NFKBIL1: variants seen among roughly 807,000 people sequenced by gnomAD.
NFKBIL1 encodes the protein NFKB inhibitor like 1, also known as NF-kappa-B inhibitor-like protein 1.
Under a neutral mutation model 45.4 loss-of-function variants are expected in NFKBIL1, and 30 were observed. That is an observed-to-expected ratio of 0.66 (90% CI 0.49 to 0.90). The LOEUF is 0.90. Ranked by LOEUF, NFKBIL1 falls within the 40% of genes least tolerant of loss-of-function variation. The pLI is 0.00. For missense variants in NFKBIL1, 434 were observed against 513.4 expected (o/e 0.85, Z 1.49); for synonymous variants, 179 against 197.3 (o/e 0.91, Z 0.78).
At position 31,558,547 on chromosome 6, in the gene NFKBIL1, G is replaced by C. The variant is rs774418376; in HGVS notation, c.1082G>C (p.Arg361Pro). Residue 361 changes from arginine (R) to proline (P), a missense_variant, in exon 4 of 4, where the codon CGT becomes CCT. Physicochemically the swap from Arg to Pro is moderately radical, Grantham distance 103. Around this residue, in one of 4 missense-constraint regions of NFKBIL1, gnomAD observed 52 missense variants for 95.9 expected, o/e 0.54. Transcript: ENST00000376148. This position sits in a 1 kb window ranked among gnomAD's most constrained non-coding sequence, Gnocchi z 7.2. ...CAGATTGAGACCTGGGAGCTGGGCC[G>C]TGTGATGGGAGCAGTGACAGCCCTT... ...RSQIETWELG[R>P]VMGAVTALSQ... 5 of 1,565,074 alleles carry C rather than the reference G, an allele frequency of 3.2e-6. No homozygotes were observed. Among genetic ancestry groups the C allele is most frequent in the Non-Finnish European group, 4.3e-6 (5 of 1,154,604 alleles).
chr6:31,552,336 A>G (rs1769474014), intron 2 of NFKBIL1, among the ~76,000 whole-genome samples: 1 of 150,538 alleles, frequency 6.6e-6, no homozygotes, highest in East Asian at 2.0e-4. Context: ...GCAGTGGCAC[A>G]ATCTCGGCTC....
intron 2 of NFKBIL1, chr6:31,556,732 C>T (rs1319520337): frequency 4.4e-6 from 2 of 457,138 alleles, no homozygotes; most frequent in Non-Finnish European, 8.8e-6. Context: ...GCTCTGCCGC[C>T]GGCCATAGTT....
At chr6:31,549,247 TTTTTTG>T (rs1209645396) in intron 2 of NFKBIL1, among the ~76,000 whole-genome samples, 2 of 151,916 alleles carry the variant, frequency 1.3e-5, no homozygotes, top group Non-Finnish European at 2.9e-5. Context: ...TGTTTCTCTG[TTTTTTG>T]TTTTTGTTTT....
chr6:31,547,781 T>A (rs1215422187), intron 1 of NFKBIL1, 30 bp downstream of exon 1: 1 of 1,557,902 alleles, frequency 6.4e-7, no homozygotes, highest in Non-Finnish European at 8.8e-7. Context: ...TAGATCATTA[T>A]TGGAGATTAT....
Position 31,558,438 on chromosome 6 carries a change from G to A in NFKBIL1, c.973G>A (p.Glu325Lys). 1.3e-6 allele frequency: 2 copies of A among 1,551,098 alleles called. No individual in the cohort carries two copies. The highest frequency in any genetic ancestry group is 1.7e-6 in the Non-Finnish European group (2 of 1,147,190). The part of the protein sequence containing the change: ...AALVARGPPL[E>K]EQGALRRYLR... ...CCTGGTGGCCAGGGGCCCCCCTTTG[G>A]AGGAACAGGGGGCTCTGAGGAGGTA... is the stretch of plus-strand genomic sequence containing the variant. Residue 325 changes from glutamate (E) to lysine (K), a missense_variant, in exon 4 of 4, where the codon GAG (glutamate) becomes AAG (lysine). Around this residue, in one of 4 missense-constraint regions of NFKBIL1, gnomAD observed 52 missense variants for 95.9 expected, o/e 0.54. Transcript: ENST00000376148. The surrounding 1 kb of genome is among the most constrained non-coding windows in gnomAD (Gnocchi z 7.2).
chr6:31,547,481 T>C (rs2150358025), upstream of NFKBIL1: 1 of 414,872 alleles, frequency 2.4e-6, no homozygotes, highest in Non-Finnish European at 4.3e-6. Flanking sequence ...TAGTTTCCCC[T>C]GGGAGATCTG....
chr6:31,547,749 C>T lies in NFKBIL1; in HGVS notation c.55C>T (p.Arg19Trp), dbSNP rs928354850. Residue 19 changes from arginine (R) to tryptophan (W), a missense_variant and splice_region_variant, in exon 1 of 4, where the codon CGG becomes TGG. Around this residue, in one of 4 missense-constraint regions of NFKBIL1, gnomAD observed 231 missense variants for 264.1 expected, o/e 0.87. Transcript: ENST00000376148. ...GGAAGAAGCCTCCACATCTGTCTGC[C>T]GGGTACATGATATTCAATTTCTAGA... ...PEEEASTSVC[R>W]PKSSMASTSR... 5.6e-6 allele frequency: 9 copies of T among 1,609,488 alleles called. No individual in the cohort carries two copies. Among genetic ancestry groups the T allele is most frequent in the African/African-American group, 1.3e-5 (1 of 74,770 alleles).
In NFKBIL1 at chr6:31,548,326, C is replaced by T; in HGVS notation, c.221C>T (p.Ala74Val). The T allele has an allele frequency of 6.2e-7, 1 of 1,604,338 alleles. No individual in the cohort carries two copies. Among genetic ancestry groups the T allele is most frequent in the Non-Finnish European group, 8.5e-7 (1 of 1,176,132 alleles). ...CCCCCACCACTGCACCGGGCCTGTG[C>T]CCGCCACGATGCCCCTGCCCTGTGC... is the stretch of plus-strand genomic sequence containing the variant. The part of the protein sequence containing the change: ...GQPPPLHRAC[A>V]RHDAPALCLL... The change falls in exon 2 of 4, where the codon GCC (alanine) becomes GTC (valine). Residue 74 changes from alanine to valine, a missense_variant. Physicochemically the swap from Ala to Val is moderately conservative, Grantham distance 64 (BLOSUM62 0). Around this residue, in one of 4 missense-constraint regions of NFKBIL1, gnomAD observed 231 missense variants for 264.1 expected, o/e 0.87. Transcript: ENST00000376148.
chr6:31,555,923 T>C (rs1266003765), intron 2 of NFKBIL1, among the ~76,000 whole-genome samples: 1 of 149,986 alleles, frequency 6.7e-6, no homozygotes, highest in Non-Finnish European at 1.5e-5. Context: ...CCTCCCAAAG[T>C]GCTGGGATTA....
Position 31,558,791 on chromosome 6 carries a change from A to C in NFKBIL1, c.*180A>C. ...TGCGGGCCGCCACCACTGCTCCTTG[A>C]CTCTGCCGTTTCCTAATAAGACCTG... On this transcript the variant is annotated 3_prime_UTR_variant, in exon 4 of 4. Transcript: ENST00000376148. This position sits in a 1 kb window ranked among gnomAD's most constrained non-coding sequence, Gnocchi z 7.2. 1 of 559,112 alleles carries C rather than the reference A, an allele frequency of 1.8e-6. No individual in the cohort carries two copies. The allele number at this position is 559,112 out of a possible 1,614,324, so 34.6% of individuals were successfully genotyped here. A position where few individuals can be genotyped will look rare whatever the true frequency, so the allele number is the denominator to read the frequency against.
chr6:31,558,737 C>A lies in NFKBIL1; in HGVS notation c.*126C>A. On this transcript the variant is annotated 3_prime_UTR_variant, in exon 4 of 4. Transcript: ENST00000376148. This position sits in a 1 kb window ranked among gnomAD's most constrained non-coding sequence, Gnocchi z 7.2. ...GCTCAGCAGAGGATATGGGTGGGAG[C>A]GAAAGTTGTAACAAGTGGGGGTGGG... is the stretch of plus-strand genomic sequence containing the variant. 1.2e-6 allele frequency: 1 copy of A among 805,660 alleles called. No homozygotes were observed. The highest frequency in any genetic ancestry group is 1.9e-6 in the Non-Finnish European group (1 of 532,472). The allele number at this position is 805,660 out of a possible 1,614,324, so 49.9% of individuals were successfully genotyped here.
chr6:31,558,601 C>T lies in NFKBIL1; in HGVS notation c.1136C>T (p.Ala379Val), dbSNP rs1234409324. ...CAGGCCCTGAATCGCCATGCAGAGG[C>T]CCTCAAGTGACCCTAGGGAAGAAGC... Reference protein sequence around the residue: ...LSQALNRHAEALK With the variant: ...LSQALNRHAEVLK The change falls in exon 4 of 4, where the codon GCC becomes GTC. Residue 379 changes from alanine (A) to valine (V), a missense_variant. Transcript: ENST00000376148. The surrounding 1 kb of genome is among the most constrained non-coding windows in gnomAD (Gnocchi z 7.2). 7.7e-6 allele frequency: 12 copies of T among 1,550,846 alleles called. No homozygotes were observed. Among genetic ancestry groups the T allele is most frequent in the Non-Finnish European group, 1.0e-5 (12 of 1,145,982 alleles).
At chr6:31,554,995 A>G (rs941724271) in intron 2 of NFKBIL1, among the ~76,000 whole-genome samples, 1 of 152,236 alleles carries the variant, frequency 6.6e-6, no homozygotes, top group African/African-American at 2.4e-5. Flanking sequence ...GTATGGTTAC[A>G]TATCTCCAAA....
Position 31,548,202 on chromosome 6 carries a change from C to T in NFKBIL1, c.97C>T (p.Arg33Ter), listed in dbSNP as rs976504875. The T allele has an allele frequency of 6.2e-6, 10 of 1,613,152 alleles. No individual in the cohort carries two copies. Among genetic ancestry groups the T allele is most frequent in the South Asian group, 1.1e-5 (1 of 91,088 alleles). ...GGCCTCCACTTCCCGCCGCCAACGC[C>T]GAGAACGTCGCTTTCGTCGTTACTT... Reference protein sequence around the residue: ...SMASTSRRQRRERRFRRYLSA... With the variant: ...SMASTSRRQR The change falls in exon 2 of 4, where the codon CGA becomes TGA. Residue 33 changes from arginine (R) to a stop codon, truncating the protein, a stop_gained. Transcript: ENST00000376148. LOFTEE classifies it high-confidence loss of function.
At chr6:31,550,379 A>G (rs1769361882) in intron 2 of NFKBIL1, among the ~76,000 whole-genome samples, 1 of 143,180 alleles carries the variant, frequency 7.0e-6, no homozygotes, top group African/African-American at 2.6e-5. Context: ...TATAGACAGA[A>G]GGCCCCTCCC....
intron 2 of NFKBIL1, among the ~76,000 whole-genome samples, chr6:31,555,518 C>G (rs1000828182): frequency 4.0e-5 from 6 of 150,884 alleles, no homozygotes; most frequent in African/African-American, 1.5e-4. Context: ...GATTACAGGC[C>G]ATGAGCCACC....
chr6:31,549,930 G>T (rs1039367693), intron 2 of NFKBIL1, among the ~76,000 whole-genome samples: 1 of 152,122 alleles, frequency 6.6e-6, no homozygotes, highest in Non-Finnish European at 1.5e-5. Context: ...GGCCAGGTGC[G>T]GTGGGTCATG....
Position 31,558,725 on chromosome 6 carries a change from T to C in NFKBIL1, c.*114T>C. On this transcript the variant is annotated 3_prime_UTR_variant, in exon 4 of 4. Coordinates refer to ENST00000376148, the MANE Select transcript of NFKBIL1 (RefSeq NM_005007.4). The surrounding 1 kb of genome is among the most constrained non-coding windows in gnomAD (Gnocchi z 7.2). ...GAGCCAGGTGCTGCTCAGCAGAGGATATGGGTGGGAGCGAAAGTTGTAACA... is the reference window on the plus strand; with the variant it reads ...GAGCCAGGTGCTGCTCAGCAGAGGACATGGGTGGGAGCGAAAGTTGTAACA... 2 of 946,368 alleles carry C rather than the reference T, an allele frequency of 2.1e-6. No homozygotes were observed. The highest frequency in any genetic ancestry group is 1.8e-5 in the South Asian group (1 of 57,092). 58.6% of individuals were successfully genotyped at this position (946,368 alleles called of 1,614,324 possible).
In NFKBIL1 at chr6:31,558,147, C is replaced by T. The variant is rs764218918; in HGVS notation, c.682C>T (p.Arg228Cys). Residue 228 changes from arginine (R) to cysteine (C), a missense_variant, in exon 4 of 4, where the codon CGT becomes TGT. Physicochemically the swap from Arg to Cys is radical, Grantham distance 180. Transcript: ENST00000376148. This position sits in a 1 kb window ranked among gnomAD's most constrained non-coding sequence, Gnocchi z 7.2. Reference sequence around the variant, plus strand: ...AGCAGAGGGATCCCGTCGACCCCCACGTGCTGAGGGCTCCAGCCAGAGCTG... The same window carrying T: ...AGCAGAGGGATCCCGTCGACCCCCATGTGCTGAGGGCTCCAGCCAGAGCTG... ...REAEGSRRPP[R>C]AEGSSQSWRQ... 6 of 1,611,740 alleles carry T rather than the reference C, an allele frequency of 3.7e-6. No individual in the cohort carries two copies. Among genetic ancestry groups the T allele is most frequent in the Non-Finnish European group, 4.2e-6 (5 of 1,179,562 alleles).
Sources: gnomAD v4.1 joint callset for allele counts (sites outside exome capture counted in the v4.1 genomes callset) on GRCh38, gnomAD v4.1.1 for gene constraint, gnomAD v4.1.1 regional missense constraint, Gnocchi (gnomAD v3.1) non-coding constraint, MANE v1.5 for transcripts, NCBI Gene and HGNC (gene_info 2026-07-23, HGNC 2026-07-21) for gene names.